Variants in STAU2 observed in about 807,000 individuals in gnomAD.
STAU2 encodes double-stranded RNA-binding protein Staufen homolog 2.
In STAU2, 20 loss-of-function variants were observed where a neutral mutation model predicts 65.9. That is an observed-to-expected ratio of 0.30 (90% CI 0.21 to 0.44). The LOEUF (loss-of-function observed/expected upper bound fraction) is 0.44, where lower values mean the gene tolerates loss of function less well. STAU2 is among the 20% of genes least tolerant of loss of function. The pLI, the probability that STAU2 is intolerant of heterozygous loss-of-function variation, is 1.00. For synonymous variants in STAU2, 232 were observed against 233.9 expected (o/e 0.99, Z 0.07); for missense variants, 558 against 683.9 (o/e 0.82, Z 2.05).
At chr8:73,688,857 C>T in intron 4 of STAU2, 44 bp from the exon 5 acceptor site, 1 of 1,586,664 alleles carries the variant, frequency 6.3e-7, no homozygotes, top group Non-Finnish European at 8.6e-7. Context: ...AAGACTTTTC[C>T]AAGAAATAAA....
intron 13 of STAU2, among the ~76,000 whole-genome samples, chr8:73,428,936 A>G (rs1817045414): frequency 6.6e-6 from 1 of 152,224 alleles, no homozygotes; most frequent in Non-Finnish European, 1.5e-5. Context: ...AATGATCGTC[A>G]TCCCTCCAAG....
At chr8:73,552,774 G>A (rs765884913) in intron 12 of STAU2, among the ~76,000 whole-genome samples, 2 of 152,104 alleles carry the variant, frequency 1.3e-5, no homozygotes, top group Admixed American at 1.3e-4. Context: ...AGGTACAAAC[G>A]CATGTATTCA....
intron 11 of STAU2, among the ~76,000 whole-genome samples, chr8:73,588,732 C>G (rs1810557177): frequency 6.6e-6 from 1 of 152,104 alleles, no homozygotes; most frequent in Non-Finnish European, 1.5e-5. Flanking sequence ...GATAGAAAAC[C>G]TACTTGAGAG....
intron 9 of STAU2, among the ~76,000 whole-genome samples, chr8:73,609,463 C>T (rs189611713): frequency 8.8e-4 from 134 of 151,902 alleles, no homozygotes; most frequent in African/African-American, 3.0e-3. Context: ...ACCAGCCTGG[C>T]CAACATGGTT....
At chr8:73,543,165 C>G (rs564893156) in intron 13 of STAU2, among the ~76,000 whole-genome samples, 1 of 152,220 alleles carries the variant, frequency 6.6e-6, no homozygotes, top group South Asian at 2.1e-4. Context: ...ATGCCAGATA[C>G]AAAACTGTGA....
intron 10 of STAU2, among the ~76,000 whole-genome samples, chr8:73,598,503 A>T (rs1811379468): frequency 6.6e-6 from 1 of 152,210 alleles, no homozygotes; most frequent in Non-Finnish European, 1.5e-5. Flanking sequence ...CTGGGATTAC[A>T]GGTGTGAGCC....
intron 13 of STAU2, among the ~76,000 whole-genome samples, chr8:73,448,822 T>A (rs532887664): frequency 6.6e-6 from 1 of 152,358 alleles, no homozygotes; most frequent in Admixed American, 6.5e-5. Context: ...TTTCGGGACG[T>A]CGCGTGCCTG....
At position 73,617,557 on chromosome 8, in the gene STAU2, TTAA is replaced by T. The variant is rs1812920746; in HGVS notation, c.411-109_411-107del. On this transcript the variant is annotated intron_variant, in intron 6 of 14. Transcript: ENST00000524300. ...ACCAATTATATAATGTGCTATACTCTTAATAAAACTTTAACCTCAAAAACATAC... is the reference window on the plus strand; with the variant it reads ...ACCAATTATATAATGTGCTATACTCTTAAAACTTTAACCTCAAAAACATAC... 19 of 1,107,446 alleles carry T rather than the reference TTAA, an allele frequency of 1.7e-5. No individual in the cohort carries two copies. The South Asian group carries it at 3.2e-4, about 18-fold the overall frequency. The allele number at this position is 1,107,446 out of a possible 1,614,324, so 68.6% of individuals were successfully genotyped here.
intron 6 of STAU2, among the ~76,000 whole-genome samples, chr8:73,645,567 G>A (rs1365175581): frequency 6.6e-6 from 1 of 152,218 alleles, no homozygotes; most frequent in Non-Finnish European, 1.5e-5. Context: ...ACAACACAGT[G>A]CTTGAAGATC....
At chr8:73,720,263 CCT>C (rs1382376503) in intron 3 of STAU2, among the ~76,000 whole-genome samples, 3 of 81,956 alleles carry the variant, frequency 3.7e-5, no homozygotes, top group African/African-American at 2.1e-4. Flanking sequence ...AGAGTGAGAC[CCT>C]GTCTCAAAAA....
intron 13 of STAU2, among the ~76,000 whole-genome samples, chr8:73,547,999 T>TTAA (rs1057332715): frequency 6.5e-5 from 5 of 77,084 alleles, no homozygotes; most frequent in Non-Finnish European, 1.9e-4. Context: ...TAGACATGAT[T>TTAA]TAAAGTATAA....
intron 13 of STAU2, among the ~76,000 whole-genome samples, chr8:73,432,628 A>G (rs1414646210): frequency 6.6e-6 from 1 of 152,254 alleles, no homozygotes; most frequent in Non-Finnish European, 1.5e-5. Context: ...TACATTTCAG[A>G]TGAATCAATG....
intron 5 of STAU2, chr8:73,675,417 T>C (rs1817970532): frequency 6.7e-6 from 1 of 149,040 alleles, no homozygotes; most frequent in African/African-American, 2.5e-5. Flanking sequence ...TCAAAATGTC[T>C]CCTCAGAAAA....
chr8:73,522,813 G>A (rs533205731), intron 13 of STAU2, among the ~76,000 whole-genome samples: 6 of 152,226 alleles, frequency 3.9e-5, no homozygotes, highest in African/African-American at 1.4e-4. Context: ...AGAATTCAGG[G>A]TTTCAGGATG....
At chr8:73,605,127 T>C (rs887974937) in intron 9 of STAU2, among the ~76,000 whole-genome samples, 2 of 152,044 alleles carry the variant, frequency 1.3e-5, no homozygotes, top group Non-Finnish European at 2.9e-5. Context: ...TCAGAAAGAA[T>C]AGTAAGTAAA....
chr8:73,538,222 T>A (rs1211368317), intron 13 of STAU2, among the ~76,000 whole-genome samples: 1 of 152,204 alleles, frequency 6.6e-6, no homozygotes, highest in Non-Finnish European at 1.5e-5. Flanking sequence ...GAGTTTTATA[T>A]CATTTTAAAT....
At chr8:73,714,138 G>C (rs1381081121) in intron 3 of STAU2, among the ~76,000 whole-genome samples, 1 of 152,066 alleles carries the variant, frequency 6.6e-6, no homozygotes, top group Admixed American at 6.5e-5. Flanking sequence ...CCCGACCTCA[G>C]GTGATCCGCC....
Position 73,521,054 on chromosome 8 carries a change from C to T in STAU2, c.1530+30958G>A, listed in dbSNP as rs543736959. On this transcript the variant is annotated intron_variant, in intron 13 of 14. Coordinates refer to ENST00000524300, the MANE Select transcript of STAU2 (RefSeq NM_001164380.2). ...CTGCAAAAGCTCTGTACATAGTCTA[C>T]AATCAATATATTATTGTTGTGATAA... 2.0e-5 allele frequency among the ~76,000 whole-genome samples: 3 copies of T among 152,212 alleles called. No homozygotes were observed. The South Asian group carries it at 6.2e-4, about 32-fold the overall frequency.
intron 13 of STAU2, among the ~76,000 whole-genome samples, chr8:73,441,899 T>C (rs561495028): frequency 6.6e-6 from 1 of 152,254 alleles, no homozygotes; most frequent in Non-Finnish European, 1.5e-5. Flanking sequence ...AGAAACTTTA[T>C]TAGGACAAAC....
Sources: gnomAD v4.1 joint callset for allele counts (sites outside exome capture counted in the v4.1 genomes callset) on GRCh38, gnomAD v4.1.1 for gene constraint, MANE v1.5 for transcripts, NCBI Gene and HGNC (gene_info 2026-07-23, HGNC 2026-07-21) for gene names.